Variants in PCYT1A observed in about 807,000 individuals in gnomAD.
PCYT1A encodes choline-phosphate cytidylyltransferase A.
PCYT1A carries 25 observed loss-of-function variants against 43.7 expected under a neutral mutation model. The ratio of observed to expected loss-of-function variants is 0.57; its 90% CI spans 0.42 to 0.80. The LOEUF is 0.80. PCYT1A is among the 30% of genes least tolerant of loss of function. The pLI, the probability that PCYT1A is intolerant of heterozygous loss-of-function variation, is 0.00. For missense variants in PCYT1A, 421 were observed against 474.2 expected, an observed-to-expected ratio of 0.89 and a Z score of 1.04; for synonymous variants, 172 against 170.7, an observed-to-expected ratio of 1.01 and a Z score of -0.06.
At chr3:196,278,403 G>A (rs150015565) in intron 1 of PCYT1A, among the ~76,000 whole-genome samples, 116 of 152,130 alleles carry the variant, frequency 7.6e-4, no homozygotes, top group African/African-American at 2.7e-3. Flanking sequence ...TACATTCAAA[G>A]GGGAAAAAAA....
chr3:196,278,585 T>C (rs1448260322), intron 1 of PCYT1A, among the ~76,000 whole-genome samples: 1 of 152,060 alleles, frequency 6.6e-6, no homozygotes, highest in Non-Finnish European at 1.5e-5. Flanking sequence ...AGAAAAGTAT[T>C]TGGAGATAGA....
intron 1 of PCYT1A, 76 bp from the exon 2 acceptor site, chr3:196,270,617 T>C: frequency 1.1e-6 from 1 of 912,366 alleles, no homozygotes; most frequent in South Asian, 1.3e-5. Context: ...TCAGAGACGT[T>C]GACGTGGATA....
chr3:196,246,587 A>G (rs1454552162), intron 5 of PCYT1A, among the ~76,000 whole-genome samples: 1 of 152,238 alleles, frequency 6.6e-6, no homozygotes, highest in African/African-American at 2.4e-5. Context: ...GGGGTTGATA[A>G]TAACTTACTG....
intron 2 of PCYT1A, among the ~76,000 whole-genome samples, chr3:196,259,543 G>GTTTGT (rs910457697): frequency 6.6e-6 from 1 of 151,794 alleles, no homozygotes; most frequent in Admixed American, 6.6e-5. Context: ...TTGTTTGTTT[G>GTTTGT]TTTGTTTTGT....
chr3:196,245,245 G>A (rs1303836746), intron 5 of PCYT1A, among the ~76,000 whole-genome samples: 6 of 151,414 alleles, frequency 4.0e-5, no homozygotes, highest in Non-Finnish European at 8.8e-5. Flanking sequence ...GGATTCAAGC[G>A]ATTCTCCTGC....
At chr3:196,276,538 G>A (rs148853831) in intron 1 of PCYT1A, among the ~76,000 whole-genome samples, 1 of 151,852 alleles carries the variant, frequency 6.6e-6, no homozygotes, top group Non-Finnish European at 1.5e-5. Context: ...GGGAGGCAAA[G>A]GTTGCAGTCA....
chr3:196,249,798 C>G (rs1340667020), intron 3 of PCYT1A, among the ~76,000 whole-genome samples: 2 of 152,130 alleles, frequency 1.3e-5, no homozygotes, highest in African/African-American at 4.8e-5. Context: ...ATACACCATG[C>G]CGAGGCTGAG....
chr3:196,250,123 T>A (rs879180129), intron 3 of PCYT1A, among the ~76,000 whole-genome samples: 736 of 113,778 alleles, frequency 6.5e-3, no homozygotes, highest in South Asian at 0.013. Context: ...ATGCCGAGGC[T>A]GAGGACCAGG....
intron 1 of PCYT1A, among the ~76,000 whole-genome samples, chr3:196,279,667 A>T (rs67784045): frequency 0.36 from 55,201 of 151,620 alleles, 10,774 homozygotes; most frequent in East Asian, 0.81. Context: ...TTGTGGAGGG[A>T]GGGGTGGCAC....
intron 3 of PCYT1A, among the ~76,000 whole-genome samples, chr3:196,257,551 C>T (rs1009534526): frequency 1.3e-5 from 2 of 152,098 alleles, no homozygotes; most frequent in Admixed American, 6.6e-5. Context: ...TACTGTATCT[C>T]ACAGCTACAA....
intron 3 of PCYT1A, among the ~76,000 whole-genome samples, chr3:196,251,991 C>T (rs948329936): frequency 6.6e-6 from 1 of 152,166 alleles, no homozygotes. Flanking sequence ...ATCACTGAAA[C>T]CTCCACCTCC....
intron 1 of PCYT1A, among the ~76,000 whole-genome samples, chr3:196,274,500 G>A (rs1725531378): frequency 7.6e-6 from 1 of 130,846 alleles, no homozygotes; most frequent in African/African-American, 2.7e-5. Flanking sequence ...TTACTTTCTT[G>A]ATACTGATGA....
intron 2 of PCYT1A, among the ~76,000 whole-genome samples, chr3:196,260,413 C>T (rs964585744): frequency 9.2e-5 from 14 of 152,198 alleles, no homozygotes; most frequent in African/African-American, 2.9e-4. Context: ...AACCATCATA[C>T]ATTGCTACTG....
chr3:196,262,369 C>A (rs530232199), intron 2 of PCYT1A, among the ~76,000 whole-genome samples: 1 of 152,310 alleles, frequency 6.6e-6, no homozygotes, highest in East Asian at 1.9e-4. Context: ...AACAAAGTAG[C>A]ATCCGCAAAG....
intron 1 of PCYT1A, among the ~76,000 whole-genome samples, chr3:196,283,824 A>T (rs1383129973): frequency 6.6e-6 from 1 of 152,202 alleles, no homozygotes; most frequent in Non-Finnish European, 1.5e-5. Context: ...TAAAGTGCTG[A>T]TCCCCTCACT....
Position 196,238,799 on chromosome 3 carries a change from G to A in PCYT1A, c.993C>T (p.Ser331=), listed in dbSNP as rs112123768. 2 of 1,584,070 alleles carry A rather than the reference G, an allele frequency of 1.3e-6. No homozygotes were observed. Among genetic ancestry groups the A allele is most frequent in the Admixed American group, 1.8e-5 (1 of 55,828 alleles). ...SSSPTRERSP[S]PSFRWPFSGK... ...CGGAGAAGGGCCATCGGAAAGAGGG[G>A]GAGGGGGAGCGCTCGCGAGTAGGGC... is the stretch of plus-strand genomic sequence containing the variant. Residue 331 remains serine (S), a synonymous_variant, in exon 9 of 9, where the codon TCC becomes TCT. Transcript: ENST00000431016.
rs555620249 is a variant in PCYT1A, at chr3:196,273,732, A to G, written c.-10-3191T>C. 5.9e-5 allele frequency among the ~76,000 whole-genome samples: 9 copies of G among 152,122 alleles called. No individual in the cohort carries two copies. In the South Asian group the frequency reaches 1.4e-3, roughly 24 times the overall value. On this transcript the variant is annotated intron_variant, in intron 1 of 8. Coordinates refer to ENST00000431016, the MANE Select transcript of PCYT1A (RefSeq NM_001312673.2). This position sits in a 1 kb window ranked among gnomAD's most constrained non-coding sequence, Gnocchi z 4.1. ...GTTTCTACGGGCTTCAGCGGGCAGG[A>G]AGTGCATGCTGATTGGTCCATGGGC...
Position 196,238,448 on chromosome 3 carries a change from G to A in PCYT1A, c.*240C>T, listed in dbSNP as rs1051174563. On this transcript the variant is annotated 3_prime_UTR_variant, in exon 9 of 9. Coordinates refer to ENST00000431016, the MANE Select transcript of PCYT1A (RefSeq NM_001312673.2). ...TAAACAGTGAAACAAAGCCCTTGGG[G>A]GGGGGTAAATGGATGCAGAGCAGGC... 1.1e-5 allele frequency: 4 copies of A among 361,282 alleles called. No individual in the cohort carries two copies. The highest frequency in any genetic ancestry group is 2.1e-5 in the African/African-American group (1 of 47,824). The allele number at this position is 361,282 out of a possible 1,614,324, so 22.4% of individuals were successfully genotyped here.
rs911304846 is a variant in PCYT1A at position 196,237,814 on chromosome 3, A to G, written c.*874T>C. On this transcript the variant is annotated 3_prime_UTR_variant, in exon 9 of 9. Transcript: ENST00000431016. The stretch of plus-strand genomic sequence containing the variant: ...TACTCCCAGTAGGAAACTAATCTCA[A>G]TCGACTTGGTATAGGATTGAGTATT... 15 of 152,182 alleles carry G rather than the reference A, an allele frequency of 9.9e-5. No homozygotes were observed. Among genetic ancestry groups the G allele is most frequent in the African/African-American group, 3.4e-4 (14 of 41,444 alleles). 9.4% of individuals were successfully genotyped at this position (152,182 alleles called of 1,614,324 possible).
Sources: allele counts gnomAD v4.1 joint callset (sites outside exome capture counted in the v4.1 genomes callset), GRCh38; gene constraint gnomAD v4.1.1; non-coding constraint Gnocchi (gnomAD v3.1); transcripts MANE v1.5; gene names NCBI Gene and HGNC (gene_info 2026-07-23, HGNC 2026-07-21).